Variants in OR1B1 observed in about 807,000 individuals in gnomAD.
OR1B1 encodes olfactory receptor 1B1.
For synonymous variants in OR1B1, 168 were observed against 156.2 expected, an observed-to-expected ratio of 1.08 and a Z score of -0.57; for missense variants, 414 against 402.1, an observed-to-expected ratio of 1.03 and a Z score of -0.25.
At chr9:122,630,931 C>G (rs1564219847), upstream of OR1B1, among the ~76,000 whole-genome samples, 1 of 152,150 alleles carries the variant, frequency 6.6e-6, no homozygotes, top group Non-Finnish European at 1.5e-5. Context: ...TAGTCTCGAA[C>G]TCCTGATCTC....
chr9:122,657,285 T>C, the OR1B1 span, among the ~76,000 whole-genome samples: 3 of 152,150 alleles, frequency 2.0e-5, no homozygotes, highest in Non-Finnish European at 2.9e-5. Flanking sequence ...ATTAAATCTT[T>C]ACCACAATTA....
the OR1B1 span, among the ~76,000 whole-genome samples, chr9:122,648,510 G>A: frequency 6.6e-6 from 1 of 152,246 alleles, no homozygotes; most frequent in African/African-American, 2.4e-5. Context: ...AGACAAGGAT[G>A]CCCTTTCTCA....
the OR1B1 span, among the ~76,000 whole-genome samples, chr9:122,652,604 A>G: frequency 5.1e-4 from 77 of 152,286 alleles, no homozygotes; most frequent in Non-Finnish European, 7.6e-4. Flanking sequence ...AAATCTGTAT[A>G]TTGATACATT....
chr9:122,650,288 T>A, the OR1B1 span, among the ~76,000 whole-genome samples: 9 of 151,886 alleles, frequency 5.9e-5, no homozygotes, highest in Non-Finnish European at 1.0e-4. Flanking sequence ...TTAGGAGAAA[T>A]ACCTAATGTA....
At chr9:122,634,335 C>CAAAAA (rs754164135), upstream of OR1B1, among the ~76,000 whole-genome samples, 1 of 86,820 alleles carries the variant, frequency 1.2e-5, no homozygotes. Context: ...AACTCCATCT[C>CAAAAA]AAAAAAAAAA....
chr9:122,643,731 A>T, the OR1B1 span, among the ~76,000 whole-genome samples: 1 of 152,190 alleles, frequency 6.6e-6, no homozygotes, highest in African/African-American at 2.4e-5. Flanking sequence ...TATGGAGAGG[A>T]GAATGAAGAG....
chr9:122,640,561 C>T, the OR1B1 span, among the ~76,000 whole-genome samples: 5 of 152,112 alleles, frequency 3.3e-5, no homozygotes, highest in African/African-American at 9.6e-5. Flanking sequence ...ATGGAGTGGG[C>T]GGGAAATGAA....
At chr9:122,640,114 T>C in the OR1B1 span, among the ~76,000 whole-genome samples, 1 of 152,164 alleles carries the variant, frequency 6.6e-6, no homozygotes, top group East Asian at 1.9e-4. Context: ...ACACGAAGAT[T>C]TGGAAATCTT....
At chr9:122,656,697 G>A in the OR1B1 span, among the ~76,000 whole-genome samples, 5 of 152,054 alleles carry the variant, frequency 3.3e-5, no homozygotes, top group Non-Finnish European at 5.9e-5. Flanking sequence ...AGCAGAAAAT[G>A]GACAAAGACA....
the OR1B1 span, among the ~76,000 whole-genome samples, chr9:122,641,252 A>G: frequency 1.3e-5 from 2 of 152,220 alleles, no homozygotes; most frequent in African/African-American, 4.8e-5. Flanking sequence ...ATGTATGTGT[A>G]TATGTGTGTA....
chr9:122,628,329 A>C (rs1830159741), downstream of OR1B1, among the ~76,000 whole-genome samples: 1 of 152,194 alleles, frequency 6.6e-6, no homozygotes, highest in African/African-American at 2.4e-5. Context: ...ATTCTTTTTC[A>C]TCCACTTTGA....
chr9:122,642,527 G>C, the OR1B1 span, among the ~76,000 whole-genome samples: 2 of 151,826 alleles, frequency 1.3e-5, no homozygotes, highest in Non-Finnish European at 2.9e-5. Context: ...AGAGCCACCT[G>C]GGGGGAGGTC....
At chr9:122,642,590 G>C in the OR1B1 span, among the ~76,000 whole-genome samples, 1 of 152,080 alleles carries the variant, frequency 6.6e-6, no homozygotes, top group Non-Finnish European at 1.5e-5. Context: ...ATACTCTCAA[G>C]GGAAGGTACT....
chr9:122,631,322 G>A (rs925397266), upstream of OR1B1, among the ~76,000 whole-genome samples: 7 of 151,764 alleles, frequency 4.6e-5, no homozygotes, highest in Non-Finnish European at 1.5e-5. Context: ...GACCACAGGC[G>A]CCCGCCACCA....
the OR1B1 span, among the ~76,000 whole-genome samples, chr9:122,639,262 AG>A: frequency 6.6e-6 from 1 of 152,284 alleles, no homozygotes; most frequent in East Asian, 1.9e-4. Flanking sequence ...TATTCCAAAA[AG>A]AATATTGTCA....
At chr9:122,642,996 G>A in the OR1B1 span, among the ~76,000 whole-genome samples, 4 of 152,122 alleles carry the variant, frequency 2.6e-5, no homozygotes, top group Non-Finnish European at 5.9e-5. Flanking sequence ...GTACTAAAAG[G>A]CTCAAATAAT....
the OR1B1 span, among the ~76,000 whole-genome samples, chr9:122,649,200 T>C: frequency 6.6e-6 from 1 of 152,224 alleles, no homozygotes; most frequent in South Asian, 2.1e-4. Flanking sequence ...GCTAGCCATA[T>C]GCAGAAAACT....
chr9:122,642,399 A>G, the OR1B1 span, among the ~76,000 whole-genome samples: 1 of 152,146 alleles, frequency 6.6e-6, no homozygotes, highest in Non-Finnish European at 1.5e-5. Flanking sequence ...CTCCTCTTAA[A>G]CCTCAGAGAT....
chr9:122,637,840 A>T, the OR1B1 span, among the ~76,000 whole-genome samples: 3 of 152,258 alleles, frequency 2.0e-5, no homozygotes, highest in African/African-American at 7.2e-5. Context: ...ACAGATACAG[A>T]AATGGACAGT....
Sources: allele counts gnomAD v4.1 joint callset (sites outside exome capture counted in the v4.1 genomes callset), GRCh38; gene constraint gnomAD v4.1.1; transcripts MANE v1.5; gene names NCBI Gene and HGNC (gene_info 2026-07-23, HGNC 2026-07-21).